LIPI: variants seen among roughly 807,000 people sequenced by gnomAD.
The protein encoded by LIPI is lipase member I.
In LIPI, 59 loss-of-function variants were observed where a neutral mutation model predicts 50.6. The ratio of observed to expected loss-of-function variants is 1.16; its 90% CI spans 0.94 to 1.45. LIPI has a LOEUF of 1.45. Ranked by LOEUF, LIPI falls within the 40% of genes most tolerant of loss-of-function variation. The pLI is 0.00. For synonymous variants in LIPI, 203 were observed against 178.2 expected (o/e 1.14, Z -1.11); for missense variants, 586 against 536.3 (o/e 1.09, Z -0.92).
chr21:14,155,145 G>A (rs749837034), intron 7 of LIPI, among the ~76,000 whole-genome samples: 3 of 152,000 alleles, frequency 2.0e-5, no homozygotes, highest in Non-Finnish European at 2.9e-5. Context: ...TGGCTCCATC[G>A]TGCAATGAAT....
Position 14,189,541 on chromosome 21 carries a change from A to G in LIPI, c.47-122T>C, listed in dbSNP as rs191063241. 7.6e-5 allele frequency: 64 copies of G among 844,528 alleles called. No individual in the cohort carries two copies. The African/African-American group carries it at 9.7e-4, about 13-fold the overall frequency. The allele number at this position is 844,528 out of a possible 1,614,324, so 52.3% of individuals were successfully genotyped here. On this transcript the variant is annotated intron_variant, in intron 1 of 9. Coordinates refer to ENST00000681601, the MANE Select transcript of LIPI (RefSeq NM_001302998.2). ...GATTTCATTTCATGAGCCCTTCAAC[A>G]TAATTTACTGAGCAACTGCAATGTT...
intron 7 of LIPI, 113 bp from the exon 8 acceptor site, chr21:14,152,797 A>G: frequency 1.7e-6 from 1 of 582,672 alleles, no homozygotes; most frequent in Non-Finnish European, 3.1e-6. Flanking sequence ...ATCTAGGCTC[A>G]TATTACATAT....
Position 14,181,775 on chromosome 21 carries a change from A to G in LIPI, c.626T>C (p.Ile209Thr), listed in dbSNP as rs1476886833. The G allele has an allele frequency of 1.2e-6, 2 of 1,604,524 alleles. No homozygotes were observed. Among genetic ancestry groups the G allele is most frequent in the East Asian group, 2.2e-5 (1 of 44,772 alleles). ...DYTDAKFVDV[I>T]HSDSNGLGIQ... ...TTTGTTACCATTGGAGTCAGAATGGATGACATCCACAAACTTTGCATCCGT... is the reference window on the plus strand; with the variant it reads ...TTTGTTACCATTGGAGTCAGAATGGGTGACATCCACAAACTTTGCATCCGT... Residue 209 changes from isoleucine to threonine, a missense_variant, in exon 4 of 10, where the codon ATC becomes ACC. Transcript: ENST00000681601.
At position 14,163,480 on chromosome 21, in the gene LIPI, C is replaced by T. The variant is rs748591001; in HGVS notation, c.945G>A (p.Met315Ile). Reference protein sequence around the residue: ...KLFKGVLKERMEGRPLRTTVF... With the variant: ...KLFKGVLKERIEGRPLRTTVF... ...CAGTGGTCCTAAGAGGTCTTCCTTC[C>T]ATCCTTTCTTTTAAAACACCTTTAA... Residue 315 changes from methionine to isoleucine, a missense_variant, in exon 7 of 10, where the codon ATG becomes ATA. Coordinates refer to ENST00000681601, the MANE Select transcript of LIPI (RefSeq NM_001302998.2). 11 of 1,591,270 alleles carry T rather than the reference C, an allele frequency of 6.9e-6. No homozygotes were observed. The highest frequency in any genetic ancestry group is 1.7e-4 in the Middle Eastern group (1 of 6,036).
intron 9 of LIPI, among the ~76,000 whole-genome samples, chr21:14,120,412 C>A (rs145759552): frequency 6.6e-6 from 1 of 151,920 alleles, no homozygotes; most frequent in Non-Finnish European, 1.5e-5. Flanking sequence ...GCTCATGGAG[C>A]CATTTACAAA....
intron 1 of LIPI, among the ~76,000 whole-genome samples, chr21:14,195,503 G>T (rs757640654): frequency 6.6e-6 from 1 of 152,122 alleles, no homozygotes; most frequent in East Asian, 1.9e-4. Flanking sequence ...TCCAAGCTCT[G>T]CTTGCTTTCA....
At chr21:14,170,374 A>T (rs1255515419) in intron 4 of LIPI, among the ~76,000 whole-genome samples, 1 of 152,198 alleles carries the variant, frequency 6.6e-6, no homozygotes, top group Admixed American at 6.5e-5. Flanking sequence ...TGAGGCCAGC[A>T]TCATCCTGAT....
chr21:14,148,297 T>C (rs995364990), intron 8 of LIPI, among the ~76,000 whole-genome samples: 3 of 152,150 alleles, frequency 2.0e-5, no homozygotes, highest in Non-Finnish European at 4.4e-5. Flanking sequence ...ATATTATACA[T>C]TTTCTACAGT....
chr21:14,135,006 C>A (rs1251789773), intron 9 of LIPI, among the ~76,000 whole-genome samples: 2 of 152,062 alleles, frequency 1.3e-5, no homozygotes, highest in Admixed American at 6.5e-5. Flanking sequence ...AGAAAACTTA[C>A]AGGATGGGAA....
intron 4 of LIPI, among the ~76,000 whole-genome samples, chr21:14,174,699 G>T (rs919287899): frequency 1.3e-5 from 2 of 152,100 alleles, no homozygotes; most frequent in Non-Finnish European, 2.9e-5. Context: ...GACTAAAGGT[G>T]CATGCCACCA....
At chr21:14,118,140 G>A (rs182531546) in intron 9 of LIPI, among the ~76,000 whole-genome samples, 30 of 152,146 alleles carry the variant, frequency 2.0e-4, no homozygotes, top group South Asian at 8.3e-4. Flanking sequence ...GCCCCCTTCC[G>A]TCACTGGGCA....
intron 7 of LIPI, among the ~76,000 whole-genome samples, chr21:14,159,519 C>CA (rs747370097): frequency 3.3e-5 from 5 of 150,062 alleles, no homozygotes; most frequent in Non-Finnish European, 6.0e-5. Flanking sequence ...AGTGTATCTA[C>CA]AAAAAAAACT....
At chr21:14,188,980 A>C (rs2019550210) in intron 2 of LIPI, 54 bp downstream of exon 2, 4 of 1,355,460 alleles carry the variant, frequency 3.0e-6, no homozygotes, top group Non-Finnish European at 4.2e-6. Flanking sequence ...CATATTGTAT[A>C]GCACGTATAA....
intron 3 of LIPI, among the ~76,000 whole-genome samples, chr21:14,183,076 G>A (rs368330359): frequency 0.026 from 4,003 of 151,798 alleles, 64 homozygotes; most frequent in Admixed American, 0.032. Flanking sequence ...TTCAAACTAT[G>A]CTACAAGGCT....
chr21:14,185,213 C>G (rs959200321), intron 3 of LIPI, among the ~76,000 whole-genome samples: 1 of 152,040 alleles, frequency 6.6e-6, no homozygotes, highest in Non-Finnish European at 1.5e-5. Flanking sequence ...GAAGGGGGAC[C>G]CAGAGTCCCT....
chr21:14,149,820 C>A (rs1328428123), intron 8 of LIPI, among the ~76,000 whole-genome samples: 2 of 152,186 alleles, frequency 1.3e-5, no homozygotes, highest in Non-Finnish European at 2.9e-5. Flanking sequence ...GCTCCCATAG[C>A]TTTAGGCAGC....
chr21:14,156,854 CACA>C (rs975960439), intron 7 of LIPI, among the ~76,000 whole-genome samples: 1 of 151,702 alleles, frequency 6.6e-6, no homozygotes, highest in African/African-American at 2.4e-5. Context: ...AGAGAAAATA[CACA>C]TTACAAAAAG....
chr21:14,193,235 T>C (rs1313801750), intron 1 of LIPI, among the ~76,000 whole-genome samples: 2 of 151,856 alleles, frequency 1.3e-5, no homozygotes. Context: ...AAAACATCTA[T>C]AGAATATTTA....
chr21:14,177,161 T>G (rs2019126342), intron 4 of LIPI, among the ~76,000 whole-genome samples: 1 of 152,136 alleles, frequency 6.6e-6, no homozygotes, highest in Admixed American at 6.5e-5. Context: ...CAAACTACAA[T>G]TGTTATATCT....
Sources: allele counts gnomAD v4.1 joint callset (sites outside exome capture counted in the v4.1 genomes callset), GRCh38; gene constraint gnomAD v4.1.1; transcripts MANE v1.5; gene names NCBI Gene and HGNC (gene_info 2026-07-23, HGNC 2026-07-21).